The following DIP2C variants were observed in gnomAD, a reference collection of about 807,000 sequenced individuals.
DIP2C encodes the protein disco-interacting protein 2 homolog C.
A neutral mutation model predicts 192.4 loss-of-function variants in DIP2C; 33 were observed. The ratio of observed to expected loss-of-function variants is 0.17; its 90% CI spans 0.13 to 0.23. The LOEUF (loss-of-function observed/expected upper bound fraction) is 0.23. DIP2C is among the 10% of genes least tolerant of loss of function. The probability of loss-of-function intolerance (pLI) is 1.00; values close to 1 mark genes in which losing one functional copy is unlikely to be tolerated. For synonymous variants in DIP2C, 979 were observed against 864.1 expected (o/e 1.13, Z -2.33); for missense variants, 1,537 against 2,110.1 (o/e 0.73, Z 5.32).
At chr10:524,111 A>C (rs1167693675) in intron 1 of DIP2C, among the ~76,000 whole-genome samples, 2 of 151,658 alleles carry the variant, frequency 1.3e-5, no homozygotes, top group Non-Finnish European at 2.9e-5. Flanking sequence ...TTCAGGAAGG[A>C]GTCCCTGGCT....
At chr10:550,527 C>T (rs900298401) in intron 1 of DIP2C, among the ~76,000 whole-genome samples, 5 of 152,264 alleles carry the variant, frequency 3.3e-5, no homozygotes, top group South Asian at 2.1e-4. Flanking sequence ...ACTCTGTTTA[C>T]TATAGATATC....
At chr10:607,071 T>C (rs11253278) in intron 1 of DIP2C, among the ~76,000 whole-genome samples, 6,147 of 152,088 alleles carry the variant, frequency 0.04, 176 homozygotes, top group East Asian at 0.15. Context: ...CGTACATGCC[T>C]GGGCCCAGCA....
intron 1 of DIP2C, among the ~76,000 whole-genome samples, chr10:614,101 G>T (rs963996155): frequency 1.3e-5 from 2 of 152,190 alleles, no homozygotes; most frequent in Admixed American, 6.5e-5. Context: ...CACACATCTG[G>T]ATTCAAGCTG....
At chr10:653,879 G>A (rs1856111678) in intron 1 of DIP2C, among the ~76,000 whole-genome samples, 1 of 152,220 alleles carries the variant, frequency 6.6e-6, no homozygotes, top group South Asian at 2.1e-4. Context: ...AAGACACTCA[G>A]AAGAGACGCA....
In DIP2C at chr10:488,594, T is replaced by TTCAC. The variant is rs1474379659; in HGVS notation, c.86-2068_86-2065dup. On this transcript the variant is annotated intron_variant, in intron 1 of 36. Transcript: ENST00000280886. ...TGGCTTCCTGGGCTTTCCTCGCATGTTCACGCCCCGTACATCCTCCTGACT... is the reference window on the plus strand; with the variant it reads ...TGGCTTCCTGGGCTTTCCTCGCATGTTCACTCACGCCCCGTACATCCTCCTGACT... Among the ~76,000 whole-genome samples the TTCAC allele has an allele frequency of 4.6e-5, 7 of 152,184 alleles. No homozygotes were observed. In the East Asian group the frequency reaches 1.2e-3, roughly 25 times the overall value.
intron 1 of DIP2C, among the ~76,000 whole-genome samples, chr10:614,279 G>A (rs1172730300): frequency 6.6e-6 from 1 of 152,222 alleles, no homozygotes; most frequent in Non-Finnish European, 1.5e-5. Flanking sequence ...TGTATGGTGT[G>A]GATGATGGGT....
intron 1 of DIP2C, among the ~76,000 whole-genome samples, chr10:560,417 G>A (rs1564200578): frequency 6.6e-6 from 1 of 152,082 alleles, no homozygotes; most frequent in South Asian, 2.1e-4. Flanking sequence ...CTGTTAAGTA[G>A]GAGTCCATCA....
In DIP2C at chr10:337,392, G is replaced by A. The variant is rs536125225; in HGVS notation, c.3584+3807C>T. Among the ~76,000 whole-genome samples, 19 of 127,562 alleles carry A rather than the reference G, an allele frequency of 1.5e-4. 1 individual carries two copies. The highest frequency in any genetic ancestry group is 4.1e-4 in the Admixed American group (5 of 12,164). The allele number at this position is 127,562 out of a possible 152,430, so 83.7% of individuals were successfully genotyped here. On this transcript the variant is annotated intron_variant, in intron 29 of 36. Coordinates refer to ENST00000280886, the MANE Select transcript of DIP2C (RefSeq NM_014974.3). ...AGGCCTAGGCAGCTGTGTGTGTGTCGTGGAGGCCTACGTAGCTGTGTGTGT... is the reference window on the plus strand; with the variant it reads ...AGGCCTAGGCAGCTGTGTGTGTGTCATGGAGGCCTACGTAGCTGTGTGTGT...
intron 3 of DIP2C, among the ~76,000 whole-genome samples, chr10:462,117 G>T (rs1383952989): frequency 6.6e-6 from 1 of 152,048 alleles, no homozygotes; most frequent in African/African-American, 2.4e-5. Context: ...ATAATTAAAA[G>T]AACTAGAGAA....
intron 1 of DIP2C, among the ~76,000 whole-genome samples, chr10:487,285 G>A (rs1037154584): frequency 1.3e-5 from 2 of 152,178 alleles, no homozygotes; most frequent in East Asian, 1.9e-4. Context: ...TGTTTTCTAA[G>A]ACTGATCAAA....
chr10:388,016 C>A (rs1445149879), intron 13 of DIP2C, among the ~76,000 whole-genome samples: 1 of 152,206 alleles, frequency 6.6e-6, no homozygotes, highest in Non-Finnish European at 1.5e-5. Flanking sequence ...TATCCTGACA[C>A]ATGAGTGAGC....
At chr10:303,714 G>A (rs181958772) in intron 32 of DIP2C, among the ~76,000 whole-genome samples, 85 of 152,174 alleles carry the variant, frequency 5.6e-4, no homozygotes, top group Non-Finnish European at 1.1e-3. Flanking sequence ...GTAGAGACGG[G>A]GTTCCTCCAT....
intron 6 of DIP2C, 121 bp downstream of exon 6, chr10:418,944 A>C: frequency 6.9e-7 from 1 of 1,447,776 alleles, no homozygotes; most frequent in Non-Finnish European, 9.3e-7. Context: ...AAGATCTGAT[A>C]AATTGGCTTT....
At chr10:418,532 A>G (rs1004753292) in intron 6 of DIP2C, among the ~76,000 whole-genome samples, 1 of 152,236 alleles carries the variant, frequency 6.6e-6, no homozygotes, top group African/African-American at 2.4e-5. Context: ...CTGTAGTCAG[A>G]ATATACCAAG....
At chr10:336,976 AG>A (rs1957815675) in intron 29 of DIP2C, among the ~76,000 whole-genome samples, 5 of 37,152 alleles carry the variant, frequency 1.3e-4, no homozygotes, top group Admixed American at 3.7e-4. Flanking sequence ...AGGCCTAGGC[AG>A]CTGTGTGTGT....
Position 420,440 on chromosome 10 carries a change from C to T in DIP2C, c.605-1241G>A, listed in dbSNP as rs530836851. 2.0e-5 allele frequency among the ~76,000 whole-genome samples: 3 copies of T among 152,332 alleles called. No individual in the cohort carries two copies. In the South Asian group the frequency reaches 6.2e-4, roughly 32 times the overall value. Reference sequence around the variant, plus strand: ...GAACTAAGGGGAGGGCCCGCCACACCGCCCGTCAGTGCCACGACATTCCAC... The same window carrying T: ...GAACTAAGGGGAGGGCCCGCCACACTGCCCGTCAGTGCCACGACATTCCAC... On this transcript the variant is annotated intron_variant, in intron 5 of 36. Transcript: ENST00000280886.
intron 32 of DIP2C, among the ~76,000 whole-genome samples, chr10:305,993 A>ATATATATATATATATATATATGTATG (rs958069491): frequency 2.8e-5 from 4 of 142,698 alleles, no homozygotes; most frequent in African/African-American, 1.0e-4. Flanking sequence ...ATATATATAT[A>ATATATATATATATATATATATGTATG]TTATATTTTT....
intron 1 of DIP2C, chr10:668,342 TCACACAA>T (rs142226039): frequency 0.023 from 3,494 of 150,370 alleles, 80 homozygotes; most frequent in Admixed American, 0.052. Flanking sequence ...TACAAGGCAC[TCACACAA>T]CACACAACAC....
chr10:553,486 C>T (rs1367998756), intron 1 of DIP2C, among the ~76,000 whole-genome samples: 1 of 152,198 alleles, frequency 6.6e-6, no homozygotes, highest in African/African-American at 2.4e-5. Context: ...TCCAAAGGAC[C>T]ATAAAATTTT....
Sources: allele counts gnomAD v4.1 joint callset (sites outside exome capture counted in the v4.1 genomes callset), GRCh38; gene constraint gnomAD v4.1.1; transcripts MANE v1.5; gene names NCBI Gene and HGNC (gene_info 2026-07-23, HGNC 2026-07-21).